The following AGAP1 variants were observed in gnomAD, a reference collection of about 807,000 sequenced individuals.
AGAP1 encodes arf-GAP with GTPase, ANK repeat and PH domain-containing protein 1.
In AGAP1, 29 loss-of-function variants were observed where a neutral mutation model predicts 105.3. The ratio of observed to expected loss-of-function variants is 0.28; its 90% CI spans 0.21 to 0.38. The LOEUF (loss-of-function observed/expected upper bound fraction) is 0.38, where lower values mean the gene tolerates loss of function less well. AGAP1 is among the 10% of genes least tolerant of loss of function. The pLI, the probability that AGAP1 is intolerant of heterozygous loss-of-function variation, is 1.00. For synonymous variants in AGAP1, 509 were observed against 485.9 expected (o/e 1.05, Z -0.63); for missense variants, 998 against 1,165.1 (o/e 0.86, Z 2.09).
Position 235,893,870 on chromosome 2 carries a change from G to C in AGAP1, c.1155+10421G>C, listed in dbSNP as rs61029023. Among the ~76,000 whole-genome samples the C allele has an allele frequency of 0.011, 1,619 of 152,156 alleles. 31 individuals carry two copies. Among genetic ancestry groups the C allele is most frequent in the African/African-American group, 0.034 (1,420 of 41,482 alleles). On this transcript the variant is annotated intron_variant, in intron 10 of 17. Coordinates refer to ENST00000304032, the MANE Select transcript of AGAP1 (RefSeq NM_001037131.3). The surrounding 1 kb of genome is among the most constrained non-coding windows in gnomAD (Gnocchi z 4.7). ...TTCCTGGACTCCAGCCCTCAACATT[G>C]ACAATCCTGGCTGTGCTCTACAGAT... is the stretch of plus-strand genomic sequence containing the variant.
At chr2:235,671,175 A>C in intron 1 of AGAP1, 1 of 1,125,694 alleles carries the variant, frequency 8.9e-7, no homozygotes, top group Non-Finnish European at 1.1e-6. Context: ...GCCTCGAGGG[A>C]TGCGAACTCG....
At position 235,705,969 on chromosome 2, in the gene AGAP1, TCA is replaced by T. The variant is rs1356526393; in HGVS notation, c.164-3207_164-3206del. On this transcript the variant is annotated intron_variant, in intron 1 of 17. Transcript: ENST00000304032. This position sits in a 1 kb window ranked among gnomAD's most constrained non-coding sequence, Gnocchi z 4.9. The stretch of plus-strand genomic sequence containing the variant: ...ATTGATGAATAGAGCTCATTTTAAT[TCA>T]CAGTTTACCCTCTTTGTTTTACTAT... 1.3e-5 allele frequency among the ~76,000 whole-genome samples: 2 copies of T among 152,200 alleles called. No individual in the cohort carries two copies. The highest frequency in any genetic ancestry group is 1.9e-4 in the East Asian group (1 of 5,192).
At position 236,049,241 on chromosome 2, in the gene AGAP1, A is replaced by G. The variant is rs750488656; in HGVS notation, c.2074A>G (p.Ser692Gly). ...GCTAGCCAACAGCGTCTGGGAAGAG[A>G]GCAGCCAGGGGCGGACGAAACCATC... ...NELANSVWEE[S>G]SQGRTKPSVD... Residue 692 changes from serine to glycine, a missense_variant, in exon 16 of 18, where the codon AGC becomes GGC. Around this residue, in one of 3 missense-constraint regions of AGAP1, gnomAD observed 235 missense variants for 270.7 expected, o/e 0.87. Coordinates refer to ENST00000304032, the MANE Select transcript of AGAP1 (RefSeq NM_001037131.3). The G allele has an allele frequency of 3.1e-6, 5 of 1,614,218 alleles. No individual in the cohort carries two copies. The highest frequency in any genetic ancestry group is 3.4e-6 in the Non-Finnish European group (4 of 1,180,044).
At position 236,080,992 on chromosome 2, in the gene AGAP1, G is replaced by A. The variant is rs2058765981; in HGVS notation, c.2114+31711G>A. On this transcript the variant is annotated intron_variant, in intron 16 of 17. Coordinates refer to ENST00000304032, the MANE Select transcript of AGAP1 (RefSeq NM_001037131.3). This position sits in a 1 kb window ranked among gnomAD's most constrained non-coding sequence, Gnocchi z 4.2. ...GCCATGTAAGGTCACATAGTCACAG[G>A]TCCTGGGGATTAGGACGTTGACATC... 6.6e-6 allele frequency among the ~76,000 whole-genome samples: 1 copy of A among 152,124 alleles called. No individual in the cohort carries two copies. The highest frequency in any genetic ancestry group is 6.5e-5 in the Admixed American group (1 of 15,286).
In AGAP1 at chr2:235,553,607, G is replaced by A. The variant is rs919322037; in HGVS notation, c.163+58758G>A. 3.3e-5 allele frequency among the ~76,000 whole-genome samples: 5 copies of A among 152,188 alleles called. No individual in the cohort carries two copies. The highest frequency in any genetic ancestry group is 1.2e-4 in the African/African-American group (5 of 41,510). On this transcript the variant is annotated intron_variant, in intron 1 of 17. Coordinates refer to ENST00000304032, the MANE Select transcript of AGAP1 (RefSeq NM_001037131.3). The surrounding 1 kb of genome is among the most constrained non-coding windows in gnomAD (Gnocchi z 4.5). ...ACATTTGGGGGTGTGGCATTTGTGC[G>A]TGAAGTGGAGCCTGGTCCCTGGTGA...
At position 235,906,944 on chromosome 2, in the gene AGAP1, AG is replaced by A. The variant is rs2051334372; in HGVS notation, c.1156-1792del. Among the ~76,000 whole-genome samples the A allele has an allele frequency of 6.6e-6, 1 of 152,224 alleles. No individual in the cohort carries two copies. The highest frequency in any genetic ancestry group is 2.4e-5 in the African/African-American group (1 of 41,454). On this transcript the variant is annotated intron_variant, in intron 10 of 17. Transcript: ENST00000304032. This position sits in a 1 kb window ranked among gnomAD's most constrained non-coding sequence, Gnocchi z 5.3. ...GGCAGGAGAATCTCTTGAATCCGGA[AG>A]GCAGAGGTTACAGTGAGCTGAGTTC...
rs755691385 is a variant in AGAP1 at position 236,101,775 on chromosome 2, G to A, written c.2115-18417G>A. Among the ~76,000 whole-genome samples, 8 of 152,330 alleles carry A rather than the reference G, an allele frequency of 5.3e-5. No individual in the cohort carries two copies. The East Asian group carries it at 7.7e-4, about 15-fold the overall frequency. Reference sequence around the variant, plus strand: ...CCGTGGGCTTCATGCCACGTTACGCGGAGTCTAGGACGGCCTCACCCCGCT... The same window carrying A: ...CCGTGGGCTTCATGCCACGTTACGCAGAGTCTAGGACGGCCTCACCCCGCT... On this transcript the variant is annotated intron_variant, in intron 16 of 17. Transcript: ENST00000304032. This position sits in a 1 kb window ranked among gnomAD's most constrained non-coding sequence, Gnocchi z 4.9.
At position 236,082,655 on chromosome 2, in the gene AGAP1, C is replaced by T. The variant is rs1042002874; in HGVS notation, c.2114+33374C>T. On this transcript the variant is annotated intron_variant, in intron 16 of 17. Transcript: ENST00000304032. The surrounding 1 kb of genome is among the most constrained non-coding windows in gnomAD (Gnocchi z 4.2). ...TTGGGAGGCCAAGACGGGTGGATCACCTGAGGCCAGGAGTTTGAGACCAGC... is the reference window on the plus strand; with the variant it reads ...TTGGGAGGCCAAGACGGGTGGATCATCTGAGGCCAGGAGTTTGAGACCAGC... Among the ~76,000 whole-genome samples the T allele has an allele frequency of 1.3e-5, 2 of 152,228 alleles. No homozygotes were observed. Among genetic ancestry groups the T allele is most frequent in the African/African-American group, 4.8e-5 (2 of 41,470 alleles).
intron 1 of AGAP1, among the ~76,000 whole-genome samples, chr2:235,500,451 C>G (rs1482176790): frequency 1.3e-5 from 2 of 152,220 alleles, no homozygotes; most frequent in Non-Finnish European, 2.9e-5. Context: ...AGGGACCGCA[C>G]TTCTGGAAGC....
chr2:235,899,517 A>AAT (rs1260211188), intron 10 of AGAP1, among the ~76,000 whole-genome samples: 1 of 152,156 alleles, frequency 6.6e-6, no homozygotes, highest in Non-Finnish European at 1.5e-5. Flanking sequence ...GTGTCTTAAA[A>AAT]ATATATATAT....
chr2:235,838,621 T>G (rs1384142105), intron 9 of AGAP1, among the ~76,000 whole-genome samples: 1 of 152,250 alleles, frequency 6.6e-6, no homozygotes, highest in Non-Finnish European at 1.5e-5. Flanking sequence ...TGAGATACAG[T>G]CTACACTTTT....
chr2:236,110,969 C>T lies in AGAP1; in HGVS notation c.2115-9223C>T, dbSNP rs192579382. 1.7e-4 allele frequency among the ~76,000 whole-genome samples: 26 copies of T among 152,318 alleles called. No homozygotes were observed. The East Asian group carries it at 2.5e-3, about 15-fold the overall frequency. On this transcript the variant is annotated intron_variant, in intron 16 of 17. Transcript: ENST00000304032. ...CTTCATGGAGAATACCTCATTGCTACGTCCTCACGTGATAGAAGAGGCAAA... is the reference window on the plus strand; with the variant it reads ...CTTCATGGAGAATACCTCATTGCTATGTCCTCACGTGATAGAAGAGGCAAA...
At chr2:235,702,934 G>GTTTTTTGTTTTTTTTTTTTTTTTTTTTTT (rs1950326496) in intron 1 of AGAP1, among the ~76,000 whole-genome samples, 2 of 88,946 alleles carry the variant, frequency 2.2e-5, no homozygotes, top group Non-Finnish European at 4.4e-5. Context: ...AGTTTTCTTG[G>GTTTTTTGTTTTTTTTTTTTTTTTTTTTTT]TTTTTTTTTT....
At chr2:236,022,701 C>A (rs1382094305) in intron 13 of AGAP1, among the ~76,000 whole-genome samples, 2 of 152,234 alleles carry the variant, frequency 1.3e-5, no homozygotes, top group Admixed American at 6.5e-5. Flanking sequence ...CGCCCAACTG[C>A]TTTTTGTATT....
chr2:236,010,840 T>A (rs1008878869), intron 13 of AGAP1, among the ~76,000 whole-genome samples: 1 of 151,876 alleles, frequency 6.6e-6, no homozygotes, highest in Non-Finnish European at 1.5e-5. Flanking sequence ...TTAACCTGAG[T>A]TTTTCAAAGT....
chr2:235,725,520 A>AC lies in AGAP1; in HGVS notation c.310+7876_310+7877insC, dbSNP rs1553614920. Among the ~76,000 whole-genome samples the AC allele has an allele frequency of 6.6e-6, 1 of 152,122 alleles. No individual in the cohort carries two copies. Among genetic ancestry groups the AC allele is most frequent in the Non-Finnish European group, 1.5e-5 (1 of 68,030 alleles). ...AATGTTCCAGTGGAAAAAAAAAAAA[A>AC]ACACCTGTAATACTCCAGTAACATT... On this transcript the variant is annotated intron_variant, in intron 3 of 17. Coordinates refer to ENST00000304032, the MANE Select transcript of AGAP1 (RefSeq NM_001037131.3). The surrounding 1 kb of genome is among the most constrained non-coding windows in gnomAD (Gnocchi z 5.7).
Position 235,779,401 on chromosome 2 carries a change from G to A in AGAP1, c.674-18358G>A, listed in dbSNP as rs531594623. Among the ~76,000 whole-genome samples, 6 of 152,364 alleles carry A rather than the reference G, an allele frequency of 3.9e-5. No homozygotes were observed. The East Asian group carries it at 1.2e-3, about 29-fold the overall frequency. ...TTGTAATCTAAAAATAATTGGGGAT[G>A]AATATTGGTTACATTTCATCCCGTA... On this transcript the variant is annotated intron_variant, in intron 6 of 17. Coordinates refer to ENST00000304032, the MANE Select transcript of AGAP1 (RefSeq NM_001037131.3).
At chr2:235,523,998 T>C (rs112909469) in intron 1 of AGAP1, among the ~76,000 whole-genome samples, 2 of 152,298 alleles carry the variant, frequency 1.3e-5, no homozygotes, top group African/African-American at 4.8e-5. Context: ...CACCACCCTG[T>C]GACCTGGCCA....
At chr2:235,743,985 C>T (rs1165808232) in intron 4 of AGAP1, among the ~76,000 whole-genome samples, 1 of 152,156 alleles carries the variant, frequency 6.6e-6, no homozygotes, top group Non-Finnish European at 1.5e-5. Flanking sequence ...GTGTGGGTAT[C>T]TGTCAAAAGA....
Sources: allele counts gnomAD v4.1 joint callset (sites outside exome capture counted in the v4.1 genomes callset), GRCh38; gene constraint gnomAD v4.1.1; regional missense constraint gnomAD v4.1.1; non-coding constraint Gnocchi (gnomAD v3.1); transcripts MANE v1.5; gene names NCBI Gene and HGNC (gene_info 2026-07-23, HGNC 2026-07-21).